VPS11: variants seen among roughly 807,000 people sequenced by gnomAD.
The protein encoded by VPS11 is vacuolar protein sorting-associated protein 11 homolog.
In VPS11, 51 loss-of-function variants were observed where a neutral mutation model predicts 106.8. That is an observed-to-expected ratio of 0.48 (90% CI 0.38 to 0.60). VPS11 has a LOEUF of 0.60. Among genes scored for constraint, VPS11 ranks in the 20% least tolerant of loss-of-function variants. VPS11 has a pLI of 0.00. For missense variants in VPS11, 950 were observed against 1,190.0 expected (o/e 0.80, Z 2.97); for synonymous variants, 453 against 458.7 (o/e 0.99, Z 0.16).
rs1945309500 is a variant in VPS11 at position 119,069,999 on chromosome 11, A to AAATAAATAAAT, written c.473-233_473-232insTAAATAAATAA. On this transcript the variant is annotated intron_variant, in intron 3 of 15. Coordinates refer to ENST00000621676, the MANE Select transcript of VPS11 (RefSeq NM_021729.6). The stretch of plus-strand genomic sequence containing the variant: ...GGCAACAAGAGCAAAACTCTGTCTC[A>AAATAAATAAAT]AAATAAATAAATAAATAAATAAATA... 2.8e-5 allele frequency among the ~76,000 whole-genome samples: 4 copies of AAATAAATAAAT among 141,708 alleles called. No individual in the cohort carries two copies. In the East Asian group the frequency reaches 6.2e-4, roughly 22 times the overall value. 93.0% of individuals were successfully genotyped at this position (141,708 alleles called of 152,430 possible).
In VPS11 at chr11:119,078,240, A is replaced by G; in HGVS notation, c.1829A>G (p.His610Arg). 1.2e-6 allele frequency: 2 copies of G among 1,613,830 alleles called. No individual in the cohort carries two copies. Among genetic ancestry groups the G allele is most frequent in the Non-Finnish European group, 1.7e-6 (2 of 1,179,888 alleles). ...CGAGAGCTGAAAGCCTTCCTAGAGC[A>G]CATGAGTGAAGTGCAGCCAGACTCA... The part of the protein sequence containing the change: ...NPRELKAFLE[H>R]MSEVQPDSPQ... Residue 610 changes from histidine (H) to arginine (R), a missense_variant, in exon 11 of 16, where the codon CAC (histidine) becomes CGC (arginine). Physicochemically the swap from His to Arg is conservative, Grantham distance 29. Transcript: ENST00000621676.
Position 119,077,586 on chromosome 11 carries a change from A to G in VPS11, c.1511A>G (p.Tyr504Cys). ...RQAGYYSHAL[Y>C]LAENHAHHEW... ...GCTGGCTACTACTCCCATGCCCTGT[A>G]TCTGGCGGAGAACCATGCACATCAT... The change falls in exon 9 of 16, where the codon TAT becomes TGT. Residue 504 changes from tyrosine to cysteine, a missense_variant. By Grantham distance (194) the Tyr-to-Cys change is radical. Around this residue, in one of 3 missense-constraint regions of VPS11, gnomAD observed 435 missense variants for 630.2 expected, o/e 0.69. Transcript: ENST00000621676. 6.2e-7 allele frequency: 1 copy of G among 1,613,822 alleles called. No homozygotes were observed. Among genetic ancestry groups the G allele is most frequent in the Non-Finnish European group, 8.5e-7 (1 of 1,179,780 alleles).
Position 119,079,112 on chromosome 11 carries a change from T to A in VPS11, c.2267-17T>A. The A allele has an allele frequency of 6.2e-7, 1 of 1,612,924 alleles. No homozygotes were observed. The highest frequency in any genetic ancestry group is 1.1e-5 in the South Asian group (1 of 91,058). ...ACGTGGTTGATTGTCTTGTTTCCTC[T>A]TGGACCCCAATCTCAGTGGTGCAGA... On this transcript the variant is annotated splice_polypyrimidine_tract_variant and intron_variant, in intron 13 of 15. Transcript: ENST00000621676.
intron 7 of VPS11, among the ~76,000 whole-genome samples, chr11:119,075,953 G>T (rs1237564152): frequency 2.0e-5 from 3 of 150,940 alleles, no homozygotes; most frequent in African/African-American, 7.3e-5. Flanking sequence ...ATTGCCAGGG[G>T]GCAGTGACTC....
intron 14 of VPS11, among the ~76,000 whole-genome samples, chr11:119,080,438 G>A (rs1308066618): frequency 7.2e-6 from 1 of 138,442 alleles, no homozygotes; most frequent in Non-Finnish European, 1.6e-5. Context: ...GCGCAATCTC[G>A]GCTCACTGCA....
At chr11:119,077,104 G>A (rs782506607) in intron 8 of VPS11, 21 bp downstream of exon 8, 1 of 1,600,894 alleles carries the variant, frequency 6.2e-7, no homozygotes. Flanking sequence ...TTGTTGGTGG[G>A]GAAGTCTTGG....
Position 119,079,143 on chromosome 11 carries a change from G to A in VPS11, c.2281G>A (p.Ala761Thr). Residue 761 changes from alanine (A) to threonine (T), a missense_variant, in exon 14 of 16, where the codon GCC becomes ACC. Transcript: ENST00000621676. ...CCCAATCTCAGTGGTGCAGACCCTG[G>A]CCCACAACTCCACAGCCACACTCTC... The part of the protein sequence containing the change: ...MPPLLVVQTL[A>T]HNSTATLSVI... 1 of 1,613,768 alleles carries A rather than the reference G, an allele frequency of 6.2e-7. No individual in the cohort carries two copies. Among genetic ancestry groups the A allele is most frequent in the South Asian group, 1.1e-5 (1 of 91,062 alleles).
At position 119,081,312 on chromosome 11, in the gene VPS11, C is replaced by G; in HGVS notation, c.2659C>G (p.Gln887Glu). The G allele has an allele frequency of 6.2e-7, 1 of 1,613,994 alleles. No individual in the cohort carries two copies. The highest frequency in any genetic ancestry group is 8.5e-7 in the Non-Finnish European group (1 of 1,179,886). ...AGATCTCCATGATCAATTCCAGCAT[C>G]AGGTGGGGATGAGTGGGCTAGATGG... ...KRDLHDQFQH[Q>E]LKCSNDSFSV... Residue 887 changes from glutamine (Q) to glutamate (E), a missense_variant and splice_region_variant, in exon 15 of 16, where the codon CAG (glutamine) becomes GAG (glutamate). Around this residue, in one of 3 missense-constraint regions of VPS11, gnomAD observed 453 missense variants for 514.6 expected, o/e 0.88. Coordinates refer to ENST00000621676, the MANE Select transcript of VPS11 (RefSeq NM_021729.6).
chr11:119,068,046 G>T, intron 1 of VPS11, 36 bp downstream of exon 1: 1 of 1,560,190 alleles, frequency 6.4e-7, no homozygotes. Context: ...TCCCTCCCGG[G>T]ATCCCGAAGA....
At position 119,078,828 on chromosome 11, in the gene VPS11, C is replaced by T. The variant is rs201731268; in HGVS notation, c.2097C>T (p.His699=). The change falls in exon 13 of 16, where the codon CAC becomes CAT. Residue 699 remains histidine (H), a synonymous_variant. Transcript: ENST00000621676. ...FQQIMHYHMQ[H]EQYRQVISVC... is the part of the protein sequence containing the mutation. ...AGATCATGCACTACCACATGCAGCA[C>T]GAGCAGTACCGGCAGGTCATCAGCG... The T allele has an allele frequency of 1.6e-4, 262 of 1,613,662 alleles. No individual in the cohort carries two copies. The highest frequency in any genetic ancestry group is 1.9e-4 in the Non-Finnish European group (230 of 1,179,800).
chr11:119,075,005 G>A (rs1945548573), intron 7 of VPS11, among the ~76,000 whole-genome samples: 1 of 152,152 alleles, frequency 6.6e-6, no homozygotes, highest in Admixed American at 6.5e-5. Context: ...GGTAGCTCAC[G>A]CATGTAATCC....
At chr11:119,071,429 A>G (rs1945387518) in intron 4 of VPS11, among the ~76,000 whole-genome samples, 167 bp from the exon 5 acceptor site, 2 of 152,186 alleles carry the variant, frequency 1.3e-5, no homozygotes, top group African/African-American at 2.4e-5. Context: ...CTCTGGTTAT[A>G]TATTTAATAG....
chr11:119,073,358 G>A lies in VPS11; in HGVS notation c.1045G>A (p.Val349Ile), dbSNP rs1034275588. The change falls in exon 6 of 16, where the codon GTC (valine) becomes ATC (isoleucine). Residue 349 changes from valine (V) to isoleucine (I), a missense_variant. Val to Ile is a conservative substitution (Grantham distance 29). This residue lies in a region of VPS11 where 435 missense variants were observed against 630.2 expected (regional missense o/e 0.69). Coordinates refer to ENST00000621676, the MANE Select transcript of VPS11 (RefSeq NM_021729.6). ...SLYVLTRDGRVHALQEKDTQT... is the reference protein window; with the variant it reads ...SLYVLTRDGRIHALQEKDTQT... ...GTACGTGCTGACGCGGGATGGGCGGGTCCACGCACTGCAGGAGAAGGACAC... is the reference window on the plus strand; with the variant it reads ...GTACGTGCTGACGCGGGATGGGCGGATCCACGCACTGCAGGAGAAGGACAC... The A allele has an allele frequency of 1.2e-6, 2 of 1,613,702 alleles. No homozygotes were observed. Among genetic ancestry groups the A allele is most frequent in the Admixed American group, 1.7e-5 (1 of 60,016 alleles).
In VPS11 at chr11:119,070,384, C is replaced by T; in HGVS notation, c.623C>T (p.Thr208Ile). 1 of 1,612,962 alleles carries T rather than the reference C, an allele frequency of 6.2e-7. No individual in the cohort carries two copies. The highest frequency in any genetic ancestry group is 1.7e-4 in the Middle Eastern group (1 of 6,060). The change falls in exon 4 of 16, where the codon ACA becomes ATA. Residue 208 changes from threonine to isoleucine, a missense_variant. By Grantham distance (89) the Thr-to-Ile change is moderately conservative. Coordinates refer to ENST00000621676, the MANE Select transcript of VPS11 (RefSeq NM_021729.6). ...GKTTHLFVVT[T>I]ENVQSYIVSG... ...ACCACTCACTTGTTTGTTGTGACAA[C>T]AGAGAACGTCCAGGTATGACCAAGG...
At chr11:119,077,391 A>C in intron 8 of VPS11, 110 bp from the exon 9 acceptor site, 1 of 1,411,794 alleles carries the variant, frequency 7.1e-7, no homozygotes, top group Non-Finnish European at 9.5e-7. Flanking sequence ...ATATTTTCAA[A>C]GTGTGAACGT....
chr11:119,074,731 G>A (rs1945536942), intron 7 of VPS11, among the ~76,000 whole-genome samples: 2 of 152,144 alleles, frequency 1.3e-5, no homozygotes, highest in African/African-American at 4.8e-5. Flanking sequence ...TAAGAACTAT[G>A]ATGCCTTAAA....
Position 119,078,748 on chromosome 11 carries a change from C to T in VPS11, c.2063+44C>T, listed in dbSNP as rs782677548. ...TCAGGGAAAGGGGAAGAATCCAAGT[C>T]ATTTTCCAGAGACAGCCACTGAGGT... On this transcript the variant is annotated intron_variant, in intron 12 of 15. Coordinates refer to ENST00000621676, the MANE Select transcript of VPS11 (RefSeq NM_021729.6). 7 of 1,608,762 alleles carry T rather than the reference C, an allele frequency of 4.4e-6. No individual in the cohort carries two copies. The South Asian group carries it at 4.4e-5, about 10-fold the overall frequency.
rs1326072028 is a variant in VPS11, at chr11:119,071,841, C to A, written c.882C>A (p.Pro294=). The change falls in exon 5 of 16, where the codon CCC becomes CCA. Residue 294 remains proline, a splice_region_variant and synonymous_variant. Transcript: ENST00000621676. ...TCTCCCGTGACCGGAAGGTTTCTCCCAAGTAAGGACTCAGTGAGAAGGGAC... is the reference window on the plus strand; with the variant it reads ...TCTCCCGTGACCGGAAGGTTTCTCCAAAGTAAGGACTCAGTGAGAAGGGAC... ...IIVSRDRKVS[P]KSEFTSRDSQ... is the part of the protein sequence containing the mutation. 1.4e-5 allele frequency: 23 copies of A among 1,611,108 alleles called. No homozygotes were observed. The highest frequency in any genetic ancestry group is 1.8e-5 in the Non-Finnish European group (21 of 1,177,668).
In VPS11 at chr11:119,073,288, C is replaced by T. The variant is rs558954132; in HGVS notation, c.975C>T (p.Thr325=). 134 of 1,613,980 alleles carry T rather than the reference C, an allele frequency of 8.3e-5. No individual in the cohort carries two copies. In the South Asian group the frequency reaches 8.7e-4, roughly 10 times the overall value. The change falls in exon 6 of 16, where the codon ACC becomes ACT. Residue 325 remains threonine, a synonymous_variant. Coordinates refer to ENST00000621676, the MANE Select transcript of VPS11 (RefSeq NM_021729.6). ...DLCNKFIAYS[T]VFEDVVDVLA... ...GCAACAAGTTCATAGCCTATAGCAC[C>T]GTCTTTGAGGATGTAGTGGATGTGC...
Sources: gnomAD v4.1 joint callset for allele counts (sites outside exome capture counted in the v4.1 genomes callset) on GRCh38, gnomAD v4.1.1 for gene constraint, gnomAD v4.1.1 regional missense constraint, MANE v1.5 for transcripts, NCBI Gene and HGNC (gene_info 2026-07-23, HGNC 2026-07-21) for gene names.